Variants in CDH11 observed in about 807,000 individuals in gnomAD.
CDH11 encodes cadherin-11.
In CDH11, 11 loss-of-function variants were observed where a neutral mutation model predicts 67.8. The ratio of observed to expected loss-of-function variants is 0.16; its 90% CI spans 0.10 to 0.27. The LOEUF is 0.27. CDH11 is among the 10% of genes least tolerant of loss of function. CDH11 has a pLI of 1.00. For synonymous variants in CDH11, 419 were observed against 400.0 expected (o/e 1.05, Z -0.57); for missense variants, 847 against 1,031.2 (o/e 0.82, Z 2.45).
chr16:64,970,069 AC>A (rs1295398801), intron 11 of CDH11, among the ~76,000 whole-genome samples: 1 of 152,182 alleles, frequency 6.6e-6, no homozygotes, highest in Non-Finnish European at 1.5e-5. Context: ...ACAAATTGAA[AC>A]AGGGGTTGTT....
intron 1 of CDH11, among the ~76,000 whole-genome samples, chr16:65,103,919 T>G (rs1273092484): frequency 1.3e-5 from 2 of 152,196 alleles, no homozygotes; most frequent in Non-Finnish European, 2.9e-5. Flanking sequence ...ATAAAATAAA[T>G]TATTAAAATA....
chr16:65,036,437 A>G lies in CDH11; in HGVS notation c.-173+17367T>C, dbSNP rs115150335. ...AAGGTGCCTGCCATGTTCCTCTTCC[A>G]CAGAGACTGTAGTTTGCAAATAAAG... is the stretch of plus-strand genomic sequence containing the variant. On this transcript the variant is annotated intron_variant, in intron 2 of 12. Coordinates refer to ENST00000268603, the MANE Select transcript of CDH11 (RefSeq NM_001797.4). Among the ~76,000 whole-genome samples the G allele has an allele frequency of 5.5e-3, 844 of 152,220 alleles. 10 individuals carry two copies. Among genetic ancestry groups the G allele is most frequent in the African/African-American group, 0.019 (782 of 41,542 alleles).
intron 1 of CDH11, among the ~76,000 whole-genome samples, chr16:65,078,315 T>A (rs2074550957): frequency 6.6e-6 from 1 of 152,170 alleles, no homozygotes; most frequent in South Asian, 2.1e-4. Context: ...AATGTGAGTG[T>A]GTTTACCGAG....
chr16:64,970,478 A>T (rs960926070), intron 11 of CDH11, among the ~76,000 whole-genome samples: 10 of 152,058 alleles, frequency 6.6e-5, no homozygotes, highest in African/African-American at 2.2e-4. Flanking sequence ...TCTGTGCCTC[A>T]TTTTTCTCAT....
At chr16:65,061,881 A>G (rs1256127451) in intron 1 of CDH11, among the ~76,000 whole-genome samples, 2 of 152,192 alleles carry the variant, frequency 1.3e-5, no homozygotes, top group African/African-American at 2.4e-5. Flanking sequence ...ATTTCATCTT[A>G]TGACAATCTT....
intron 1 of CDH11, among the ~76,000 whole-genome samples, chr16:65,075,260 A>G (rs2074489847): frequency 6.6e-6 from 1 of 152,230 alleles, no homozygotes; most frequent in African/African-American, 2.4e-5. Context: ...ATGTCAGACA[A>G]GCTTCTTGTC....
chr16:65,013,309 A>G (rs912397573), intron 2 of CDH11, among the ~76,000 whole-genome samples: 8 of 152,264 alleles, frequency 5.3e-5, no homozygotes, highest in Non-Finnish European at 1.2e-4. Context: ...TACTGGATGG[A>G]CAATGGGAAT....
At chr16:65,010,056 G>A (rs1369377239) in intron 2 of CDH11, among the ~76,000 whole-genome samples, 1 of 152,226 alleles carries the variant, frequency 6.6e-6, no homozygotes, top group Non-Finnish European at 1.5e-5. Context: ...TTAGCAGAAA[G>A]CAAGCAGATT....
At chr16:65,050,496 C>G (rs1200324610) in intron 2 of CDH11, among the ~76,000 whole-genome samples, 1 of 152,148 alleles carries the variant, frequency 6.6e-6, no homozygotes, top group Non-Finnish European at 1.5e-5. Flanking sequence ...GCATCTTGAC[C>G]TGTTTGGGAA....
At chr16:64,969,944 A>G (rs1228849532) in intron 11 of CDH11, among the ~76,000 whole-genome samples, 2 of 152,222 alleles carry the variant, frequency 1.3e-5, no homozygotes, top group Non-Finnish European at 2.9e-5. Context: ...TATCTCTTTC[A>G]GAGACTTACA....
intron 1 of CDH11, among the ~76,000 whole-genome samples, chr16:65,090,561 G>T (rs1304034710): frequency 6.6e-6 from 1 of 152,132 alleles, no homozygotes; most frequent in Non-Finnish European, 1.5e-5. Context: ...CCTCAGTTAT[G>T]AAATAATTAT....
chr16:65,122,244 G>C (rs1423052266), upstream of CDH11: 2 of 461,376 alleles, frequency 4.3e-6, no homozygotes, highest in African/African-American at 4.3e-5. Context: ...AGAGGCTGCG[G>C]GGGCCGACCC....
chr16:65,058,238 AAAAC>A (rs766527103), intron 1 of CDH11, among the ~76,000 whole-genome samples: 19 of 152,228 alleles, frequency 1.2e-4, no homozygotes, highest in Non-Finnish European at 2.2e-4. Context: ...AAAACAACAC[AAAAC>A]AAACAAACAA....
intron 7 of CDH11, among the ~76,000 whole-genome samples, chr16:64,984,070 G>A (rs35206): frequency 0.26 from 39,603 of 152,072 alleles, 5,986 homozygotes; most frequent in Middle Eastern, 0.36. Context: ...CCTTTGCAGA[G>A]GTTTATGTGG....
In CDH11 at chr16:64,971,932, T is replaced by C; in HGVS notation, c.1523A>G (p.Gln508Arg). 3.7e-6 allele frequency: 6 copies of C among 1,613,920 alleles called. No individual in the cohort carries two copies. Among genetic ancestry groups the C allele is most frequent in the South Asian group, 1.1e-5 (1 of 91,068 alleles). ...CAAGAATAGGGAAAGCAGGATTACCTGGTTGGAAAGTGGCTTGGTCTGATC... is the reference window on the plus strand; with the variant it reads ...CAAGAATAGGGAAAGCAGGATTACCCGGTTGGAAAGTGGCTTGGTCTGATC... ...ESDQTKPLSN[Q>R]PIVTISADDK... is the part of the protein sequence containing the mutation. Residue 508 changes from glutamine to arginine, a missense_variant and splice_region_variant, in exon 10 of 13, where the codon CAG becomes CGG. This residue lies in a region of CDH11 where 612 missense variants were observed against 678.7 expected (regional missense o/e 0.90). Coordinates refer to ENST00000268603, the MANE Select transcript of CDH11 (RefSeq NM_001797.4).
At chr16:65,117,036 A>G (rs1321634217) in intron 1 of CDH11, among the ~76,000 whole-genome samples, 5 of 152,248 alleles carry the variant, frequency 3.3e-5, no homozygotes, top group Non-Finnish European at 7.3e-5. Context: ...TCCAGTTCAA[A>G]CAATGTGCAT....
chr16:65,117,817 G>GA (rs1017450333), intron 1 of CDH11, among the ~76,000 whole-genome samples: 1 of 151,914 alleles, frequency 6.6e-6, no homozygotes, highest in East Asian at 1.9e-4. Context: ...CTTTTTGCCA[G>GA]AAAAAAATCC....
At chr16:64,949,425 C>CTT (rs71143535) in intron 12 of CDH11, among the ~76,000 whole-genome samples, 5 of 106,006 alleles carry the variant, frequency 4.7e-5, no homozygotes, top group Admixed American at 1.0e-4. Flanking sequence ...TTTTTTTTTT[C>CTT]TTTTTTTTTT....
chr16:65,039,613 GA>G (rs1322303351), intron 2 of CDH11, among the ~76,000 whole-genome samples: 1 of 152,106 alleles, frequency 6.6e-6, no homozygotes, highest in East Asian at 1.9e-4. Context: ...AACCCTAGAA[GA>G]AAACCTAGGC....
Sources: gnomAD v4.1 joint callset for allele counts (sites outside exome capture counted in the v4.1 genomes callset) on GRCh38, gnomAD v4.1.1 for gene constraint, gnomAD v4.1.1 regional missense constraint, MANE v1.5 for transcripts, NCBI Gene and HGNC (gene_info 2026-07-23, HGNC 2026-07-21) for gene names.